Variants in PLD3 observed in about 807,000 individuals in gnomAD.
The protein encoded by PLD3 is 5'-3' exonuclease PLD3.
PLD3 carries 31 observed loss-of-function variants against 58.4 expected under a neutral mutation model. The observed-to-expected ratio is 0.53, with a 90% CI of 0.40 to 0.72. The LOEUF (loss-of-function observed/expected upper bound fraction) is 0.72. PLD3 is among the 30% of genes least tolerant of loss of function. PLD3 has a pLI of 0.00. For synonymous variants in PLD3, 264 were observed against 273.4 expected (o/e 0.97, Z 0.34); for missense variants, 595 against 659.8 (o/e 0.90, Z 1.08).
intron 1 of PLD3, among the ~76,000 whole-genome samples, chr19:40,354,069 CTTTT>C (rs36125021): frequency 7.7e-5 from 6 of 78,238 alleles, no homozygotes; most frequent in Non-Finnish European, 1.4e-4. Context: ...ATTTTTTAGC[CTTTT>C]TTTTTTTTTT....
rs1458945846 is a variant in PLD3 at position 40,365,768 on chromosome 19, G to C, written c.-228G>C. The C allele has an allele frequency of 6.5e-6, 1 of 152,764 alleles. No homozygotes were observed. Among genetic ancestry groups the C allele is most frequent in the African/African-American group, 2.4e-5 (1 of 41,466 alleles). 9.5% of individuals were successfully genotyped at this position (152,764 alleles called of 1,614,324 possible). Reference sequence around the variant, plus strand: ...CGAGCCCCGCTTCTCGCTGCGGTGAGCCCGGACTGGGGCACGCACTGCGCA... The same window carrying C: ...CGAGCCCCGCTTCTCGCTGCGGTGACCCCGGACTGGGGCACGCACTGCGCA... On this transcript the variant is annotated 5_prime_UTR_variant, in exon 2 of 13. Transcript: ENST00000409735.
chr19:40,359,950 T>C (rs1330272998), intron 1 of PLD3: 2 of 152,164 alleles, frequency 1.3e-5, no homozygotes, highest in African/African-American at 2.4e-5. Context: ...CCCCCAACCT[T>C]AGCCTCCCGG....
In PLD3 at chr19:40,365,810, G is replaced by A. The variant is rs1465263022; in HGVS notation, c.-186G>A. 6.5e-6 allele frequency: 1 copy of A among 153,820 alleles called. No homozygotes were observed. Among genetic ancestry groups the A allele is most frequent in the Admixed American group, 6.4e-5 (1 of 15,542 alleles). The allele number at this position is 153,820 out of a possible 1,614,324, so 9.5% of individuals were successfully genotyped here. A position where few individuals can be genotyped will look rare whatever the true frequency, so the allele number is the denominator to read the frequency against. ...CACTGCGCAGACTCCCCGCTGCAGT[G>A]GGCGGAGCTCCCACAGGCCCCGCCC... is the stretch of plus-strand genomic sequence containing the variant. On this transcript the variant is annotated 5_prime_UTR_variant, in exon 2 of 13. Coordinates refer to ENST00000409735, the MANE Select transcript of PLD3 (RefSeq NM_012268.4).
At chr19:40,357,162 A>G (rs2078674884) in intron 1 of PLD3, 1 of 152,220 alleles carries the variant, frequency 6.6e-6, no homozygotes, top group South Asian at 2.1e-4. Context: ...TTTAGTCCAA[A>G]GAGGTCTGTA....
intron 1 of PLD3, among the ~76,000 whole-genome samples, chr19:40,362,402 A>G (rs1052006584): frequency 2.6e-5 from 4 of 152,146 alleles, no homozygotes; most frequent in African/African-American, 9.7e-5. Flanking sequence ...TGCCAGTCTC[A>G]TCCAATCGAA....
intron 5 of PLD3, chr19:40,367,307 T>C (rs1018175537): frequency 2.3e-5 from 6 of 256,522 alleles, no homozygotes; most frequent in African/African-American, 1.1e-4. Context: ...TTAGCTGGGC[T>C]TGGTGGCTCA....
chr19:40,376,570 C>G (rs774756772), intron 10 of PLD3, 39 bp from the exon 11 acceptor site: 2 of 1,589,032 alleles, frequency 1.3e-6, no homozygotes, highest in South Asian at 2.3e-5. Context: ...CACAGCCGCC[C>G]TCTGCATCCT....
intron 5 of PLD3, 129 bp downstream of exon 5, chr19:40,367,044 C>T: frequency 1.3e-5 from 13 of 1,023,092 alleles, no homozygotes; most frequent in Non-Finnish European, 1.8e-5. Flanking sequence ...TGCAGGCTCC[C>T]AAGTGCTCGC....
intron 1 of PLD3, among the ~76,000 whole-genome samples, chr19:40,351,636 G>A (rs1332045644): frequency 6.6e-6 from 1 of 152,186 alleles, no homozygotes; most frequent in Non-Finnish European, 1.5e-5. Context: ...TCTTGCGGTA[G>A]GAGCAAGCTT....
intron 1 of PLD3, among the ~76,000 whole-genome samples, chr19:40,362,491 G>C (rs2078811402): frequency 6.6e-6 from 1 of 152,138 alleles, no homozygotes; most frequent in Non-Finnish European, 1.5e-5. Context: ...GCTGGAGTGA[G>C]GTGGTGCGAT....
At chr19:40,372,029 C>G (rs780122577) in intron 9 of PLD3, among the ~76,000 whole-genome samples, 156 bp downstream of exon 9, 1 of 152,136 alleles carries the variant, frequency 6.6e-6, no homozygotes, top group Non-Finnish European at 1.5e-5. Context: ...GGAGTAGTTC[C>G]CAACATCCCT....
At chr19:40,350,363 T>A (rs904189924) in intron 1 of PLD3, among the ~76,000 whole-genome samples, 1 of 151,862 alleles carries the variant, frequency 6.6e-6, no homozygotes, top group African/African-American at 2.4e-5. Flanking sequence ...AAACACAAAT[T>A]AATCATTCTG....
chr19:40,351,633 G>A (rs925772003), intron 1 of PLD3, among the ~76,000 whole-genome samples: 2 of 152,224 alleles, frequency 1.3e-5, no homozygotes, highest in African/African-American at 2.4e-5. Flanking sequence ...AAGTCTTGCG[G>A]TAGGAGCAAG....
At chr19:40,373,589 A>C (rs12151039) in intron 9 of PLD3, among the ~76,000 whole-genome samples, 80 of 118,066 alleles carry the variant, frequency 6.8e-4, no homozygotes, top group Middle Eastern at 4.3e-3. Context: ...AAAAAAAAAA[A>C]GGGGGGGAAG....
intron 10 of PLD3, 30 bp from the exon 11 acceptor site, chr19:40,376,579 C>A: frequency 3.1e-6 from 5 of 1,596,024 alleles, no homozygotes; most frequent in Non-Finnish European, 4.3e-6. Flanking sequence ...CCTCTGCATC[C>A]TGCCCCACCT....
At chr19:40,352,030 G>A (rs1040214102) in intron 1 of PLD3, among the ~76,000 whole-genome samples, 1 of 152,134 alleles carries the variant, frequency 6.6e-6, no homozygotes, top group Non-Finnish European at 1.5e-5. Context: ...CCAGCACTTT[G>A]GGAGGCTGAG....
intron 1 of PLD3, among the ~76,000 whole-genome samples, chr19:40,350,477 G>C (rs970124428): frequency 6.6e-6 from 1 of 152,070 alleles, no homozygotes; most frequent in Non-Finnish European, 1.5e-5. Context: ...TGGCGCAATG[G>C]CTCACACCTG....
intron 5 of PLD3, 47 bp downstream of exon 5, chr19:40,366,962 A>G: frequency 6.4e-7 from 1 of 1,555,212 alleles, no homozygotes; most frequent in Non-Finnish European, 8.7e-7. Context: ...CTGCCAGACC[A>G]GGTACACTTA....
At position 40,377,983 on chromosome 19, in the gene PLD3, T is replaced by C; in HGVS notation, c.1286-3T>C. On this transcript the variant is annotated splice_polypyrimidine_tract_variant and splice_region_variant and intron_variant, in intron 12 of 12. Transcript: ENST00000409735. ...CCCTTATGCTCCACCCATTCCTCTC[T>C]AGGAACCTCCAACTGGTCTGGCAAC... is the stretch of plus-strand genomic sequence containing the variant. 2 of 1,612,480 alleles carry C rather than the reference T, an allele frequency of 1.2e-6. No individual in the cohort carries two copies. The highest frequency in any genetic ancestry group is 1.7e-6 in the Non-Finnish European group (2 of 1,178,972).
Sources: allele counts gnomAD v4.1 joint callset (sites outside exome capture counted in the v4.1 genomes callset), GRCh38; gene constraint gnomAD v4.1.1; transcripts MANE v1.5; gene names NCBI Gene and HGNC (gene_info 2026-07-23, HGNC 2026-07-21).